Variants in KCNQ2 observed in about 807,000 individuals in gnomAD.
The protein encoded by KCNQ2 is potassium voltage-gated channel subfamily Q member 2, also known as potassium voltage-gated channel subfamily KQT member 2.
A neutral mutation model predicts 84.8 loss-of-function variants in KCNQ2; 14 were observed. The observed-to-expected ratio is 0.17, with a 90% CI of 0.11 to 0.26. The LOEUF is 0.26. Among genes scored for constraint, KCNQ2 ranks in the 10% least tolerant of loss-of-function variants. KCNQ2 has a pLI of 1.00. For missense variants in KCNQ2, 788 were observed against 1,254.0 expected (o/e 0.63, Z 5.61); for synonymous variants, 599 against 554.1 (o/e 1.08, Z -1.14).
At chr20:63,431,403 G>A in intron 8 of KCNQ2, 34 bp from the exon 9 acceptor site, 3 of 1,612,538 alleles carry the variant, frequency 1.9e-6, no homozygotes, top group Admixed American at 1.7e-5. Flanking sequence ...AAAGGGAAAA[G>A]AACGGAAAAT....
chr20:63,434,048 C>T (rs1296965340), intron 7 of KCNQ2, 145 bp from the exon 8 acceptor site: 8 of 669,616 alleles, frequency 1.2e-5, no homozygotes, highest in Non-Finnish European at 2.1e-5. Context: ...GGCCAGGCCC[C>T]AGTGCTGCAT....
chr20:63,411,242 C>T (rs1161191466), intron 15 of KCNQ2, among the ~76,000 whole-genome samples: 1 of 152,306 alleles, frequency 6.6e-6, no homozygotes, highest in East Asian at 1.9e-4. Context: ...GTATCTTCCA[C>T]GAGAGGGAAG....
At chr20:63,410,651 T>C (rs2080094957) in intron 15 of KCNQ2, among the ~76,000 whole-genome samples, 1 of 152,122 alleles carries the variant, frequency 6.6e-6, no homozygotes, top group African/African-American at 2.4e-5. Context: ...CCCTGCCTGC[T>C]CCCAGAAACT....
Position 63,446,684 on chromosome 20 carries a change from A to G in KCNQ2, c.387+63T>C, listed in dbSNP as rs1267079347. ...CTGTAGTAACAGGAACGGAAGACAG[A>G]CGCCCAGGCAGCTCCAGCTCCTTCC... is the stretch of plus-strand genomic sequence containing the variant. On this transcript the variant is annotated intron_variant, in intron 2 of 16. Coordinates refer to ENST00000359125, the MANE Select transcript of KCNQ2 (RefSeq NM_172107.4). This position sits in a 1 kb window ranked among gnomAD's most constrained non-coding sequence, Gnocchi z 5.5. The G allele has an allele frequency of 2.2e-6, 3 of 1,370,250 alleles. No homozygotes were observed. The highest frequency in any genetic ancestry group is 3.1e-6 in the Non-Finnish European group (3 of 959,562). 84.9% of individuals were successfully genotyped at this position (1,370,250 alleles called of 1,614,324 possible).
At chr20:63,442,183 C>T (rs571880384) in intron 5 of KCNQ2, among the ~76,000 whole-genome samples, 5 of 152,252 alleles carry the variant, frequency 3.3e-5, no homozygotes, top group South Asian at 2.1e-4. Context: ...ATGCCCACCA[C>T]GGCTGAGCTC....
rs1190539166 is a variant in KCNQ2 at position 63,472,584 on chromosome 20, C to G, written c.-121G>C. 4.7e-6 allele frequency: 4 copies of G among 859,042 alleles called. No individual in the cohort carries two copies. Among genetic ancestry groups the G allele is most frequent in the Admixed American group, 5.0e-5 (1 of 20,088 alleles). 53.2% of individuals were successfully genotyped at this position (859,042 alleles called of 1,614,324 possible). ...AGCCGCATGGCCGAGGCGGCGGTTC[C>G]GCACTCCTGCCGGGCTTGGGCCGCG... On this transcript the variant is annotated 5_prime_UTR_variant, in exon 1 of 17. Coordinates refer to ENST00000359125, the MANE Select transcript of KCNQ2 (RefSeq NM_172107.4).
chr20:63,447,669 G>A (rs994298125), intron 1 of KCNQ2, among the ~76,000 whole-genome samples: 3 of 151,930 alleles, frequency 2.0e-5, no homozygotes, highest in South Asian at 2.1e-4. Flanking sequence ...ATCTTGGCTC[G>A]CTGCAACCTC....
chr20:63,439,152 G>T (rs1012568054), intron 6 of KCNQ2, among the ~76,000 whole-genome samples: 1 of 152,188 alleles, frequency 6.6e-6, no homozygotes, highest in East Asian at 1.9e-4. Context: ...GCCTCTTGCC[G>T]TGCACCAGCT....
At position 63,402,005 on chromosome 20, in the gene KCNQ2, CCGGG is replaced by C. The variant is rs1568844653; in HGVS notation, c.*4635_*4638del. 1.3e-5 allele frequency: 2 copies of C among 152,570 alleles called. No homozygotes were observed. The highest frequency in any genetic ancestry group is 2.7e-5 in the Non-Finnish European group (2 of 75,326). The allele number at this position is 152,570 out of a possible 1,614,324, so 9.5% of individuals were successfully genotyped here. ...AGCCATCTCTCTCCCACCACATCTG[CCGGG>C]CACCCTCCATGGCAGGTCCAAGCCC... On this transcript the variant is annotated 3_prime_UTR_variant, in exon 17 of 17. Coordinates refer to ENST00000359125, the MANE Select transcript of KCNQ2 (RefSeq NM_172107.4).
In KCNQ2 at chr20:63,442,455, C is replaced by T. The variant is rs1371722284; in HGVS notation, c.767G>A (p.Gly256Glu). 1 of 1,613,702 alleles carries T rather than the reference C, an allele frequency of 6.2e-7. No homozygotes were observed. Among genetic ancestry groups the T allele is most frequent in the African/African-American group, 1.3e-5 (1 of 74,780 alleles). ...GTAGGTGTCAAAGTGGTCGTTCTCCCCCTTCTCTGCCAAGTACACCAGGAA... is the reference window on the plus strand; with the variant it reads ...GTAGGTGTCAAAGTGGTCGTTCTCCTCCTTCTCTGCCAAGTACACCAGGAA... ...ASFLVYLAEK[G>E]ENDHFDTYAD... Residue 256 changes from glycine (G) to glutamate (E), a missense_variant, in exon 5 of 17, where the codon GGG (glycine) becomes GAG (glutamate). Gly to Glu is a moderately conservative substitution (Grantham distance 98, BLOSUM62 -2). This residue lies in a region of KCNQ2 where 18 missense variants were observed against 166.0 expected (regional missense o/e 0.11). Coordinates refer to ENST00000359125, the MANE Select transcript of KCNQ2 (RefSeq NM_172107.4).
At chr20:63,427,146 C>G (rs1023003860) in intron 10 of KCNQ2, among the ~76,000 whole-genome samples, 1 of 152,214 alleles carries the variant, frequency 6.6e-6, no homozygotes, top group African/African-American at 2.4e-5. Flanking sequence ...CACTTGTACC[C>G]GGGAAGTGGA....
At position 63,460,447 on chromosome 20, in the gene KCNQ2, T is replaced by C. The variant is rs1187080892; in HGVS notation, c.296+11721A>G. Among the ~76,000 whole-genome samples, 41 of 150,448 alleles carry C rather than the reference T, an allele frequency of 2.7e-4. No individual in the cohort carries two copies. Among genetic ancestry groups the C allele is most frequent in the African/African-American group, 9.1e-4 (37 of 40,812 alleles). ...CCTGACCGAGGCTCCCAGCAGGCCT[T>C]CCCCCCCACAGCCCCCTGAGACAGC... is the stretch of plus-strand genomic sequence containing the variant. On this transcript the variant is annotated intron_variant, in intron 1 of 16. Coordinates refer to ENST00000359125, the MANE Select transcript of KCNQ2 (RefSeq NM_172107.4). This position sits in a 1 kb window ranked among gnomAD's most constrained non-coding sequence, Gnocchi z 5.4.
chr20:63,440,190 C>T (rs2081117799), intron 5 of KCNQ2, among the ~76,000 whole-genome samples: 1 of 152,110 alleles, frequency 6.6e-6, no homozygotes, highest in South Asian at 2.1e-4. Context: ...TCCACCGAGC[C>T]ATGGCGGGGT....
rs1283354089 is a variant in KCNQ2, at chr20:63,423,861, C to T, written c.1247+316G>A. ...GCTGGAGGGAGCGCACTAACAGAGA[C>T]CCCCTGCCTCCGAGAACCCTGGGGC... On this transcript the variant is annotated intron_variant, in intron 11 of 16. Transcript: ENST00000359125. 1.0e-5 allele frequency: 5 copies of T among 483,010 alleles called. No homozygotes were observed. The South Asian group carries it at 1.0e-4, about 10-fold the overall frequency. The allele number at this position is 483,010 out of a possible 1,614,324, so 29.9% of individuals were successfully genotyped here.
intron 1 of KCNQ2, chr20:63,447,265 G>A (rs919194694): frequency 4.2e-5 from 10 of 238,930 alleles, no homozygotes; most frequent in South Asian, 1.1e-4. Flanking sequence ...AGAAGGCACC[G>A]ATCAGCCTTC....
Position 63,405,798 on chromosome 20 carries a change from C to G in KCNQ2, c.*846G>C, listed in dbSNP as rs948435438. On this transcript the variant is annotated 3_prime_UTR_variant, in exon 17 of 17. Coordinates refer to ENST00000359125, the MANE Select transcript of KCNQ2 (RefSeq NM_172107.4). ...TGGGGTGCTGCTGGCTCTCACGCACCCACAGAAAGGCCAGGGCGAGGCAGC... is the reference window on the plus strand; with the variant it reads ...TGGGGTGCTGCTGGCTCTCACGCACGCACAGAAAGGCCAGGGCGAGGCAGC... The G allele has an allele frequency of 1.3e-5, 2 of 152,430 alleles. No homozygotes were observed. Among genetic ancestry groups the G allele is most frequent in the African/African-American group, 4.8e-5 (2 of 41,472 alleles). 9.4% of individuals were successfully genotyped at this position (152,430 alleles called of 1,614,324 possible).
chr20:63,453,275 T>C (rs901414825), intron 1 of KCNQ2, among the ~76,000 whole-genome samples: 5 of 152,222 alleles, frequency 3.3e-5, no homozygotes, highest in African/African-American at 9.6e-5. Context: ...CCCGCCCACG[T>C]GTGCGACCCA....
intron 10 of KCNQ2, among the ~76,000 whole-genome samples, chr20:63,426,280 G>C (rs139446086): frequency 1.3e-5 from 2 of 152,206 alleles, no homozygotes; most frequent in East Asian, 3.8e-4. Flanking sequence ...CATCCTTCCC[G>C]ATAGCTCCAT....
intron 4 of KCNQ2, among the ~76,000 whole-genome samples, chr20:63,443,216 CATG>C (rs2081288010): frequency 9.3e-6 from 1 of 107,766 alleles, no homozygotes; most frequent in African/African-American, 3.7e-5. Context: ...CCACCACCAC[CATG>C]ATCACCACCA....
Sources: allele counts gnomAD v4.1 joint callset (sites outside exome capture counted in the v4.1 genomes callset), GRCh38; gene constraint gnomAD v4.1.1; regional missense constraint gnomAD v4.1.1; non-coding constraint Gnocchi (gnomAD v3.1); transcripts MANE v1.5; gene names NCBI Gene and HGNC (gene_info 2026-07-23, HGNC 2026-07-21).